Variants in PHLPP1 observed in about 807,000 individuals in gnomAD.
The protein encoded by PHLPP1 is PH domain leucine-rich repeat-containing protein phosphatase 1.
PHLPP1 carries 42 observed loss-of-function variants against 117.2 expected under a neutral mutation model. The ratio of observed to expected loss-of-function variants is 0.36; its 90% CI spans 0.28 to 0.46. PHLPP1 has a LOEUF of 0.46. Among genes scored for constraint, PHLPP1 ranks in the 20% least tolerant of loss-of-function variants. The pLI is 1.00. For synonymous variants in PHLPP1, 1,042 were observed against 970.7 expected, an observed-to-expected ratio of 1.07 and a Z score of -1.37; for missense variants, 2,084 against 2,241.9, an observed-to-expected ratio of 0.93 and a Z score of 1.42.
intron 10 of PHLPP1, among the ~76,000 whole-genome samples, chr18:62,926,877 A>G (rs1185314549): frequency 6.6e-6 from 1 of 152,176 alleles, no homozygotes; most frequent in African/African-American, 2.4e-5. Flanking sequence ...ATAAGCATCA[A>G]TTCCCAGCAA....
intron 10 of PHLPP1, among the ~76,000 whole-genome samples, chr18:62,925,421 G>A (rs1909598472): frequency 6.6e-6 from 1 of 152,198 alleles, no homozygotes. Flanking sequence ...AGTTGGGGAA[G>A]TGTATGTTCA....
intron 4 of PHLPP1, among the ~76,000 whole-genome samples, chr18:62,879,404 ATGTG>A (rs61701836): frequency 1.4e-4 from 20 of 145,894 alleles, no homozygotes; most frequent in South Asian, 4.4e-4. Flanking sequence ...TATTCTGGAT[ATGTG>A]TGTGTGTGTG....
intron 10 of PHLPP1, among the ~76,000 whole-genome samples, chr18:62,936,824 C>G (rs915072476): frequency 6.6e-6 from 1 of 152,122 alleles, no homozygotes; most frequent in Non-Finnish European, 1.5e-5. Context: ...TAATGAAATA[C>G]AACGTGAAGT....
intron 15 of PHLPP1, among the ~76,000 whole-genome samples, chr18:62,974,229 C>A (rs1037441908): frequency 1.3e-5 from 2 of 152,176 alleles, no homozygotes; most frequent in Non-Finnish European, 2.9e-5. Context: ...AGCCAAATAT[C>A]TGAAAGTTGG....
chr18:62,725,178 G>A (rs1339361978), intron 1 of PHLPP1, among the ~76,000 whole-genome samples: 1 of 151,978 alleles, frequency 6.6e-6, no homozygotes, highest in Non-Finnish European at 1.5e-5. Context: ...GGCTAACATG[G>A]TGAAACCCTG....
chr18:62,884,688 G>A (rs1315812682), intron 4 of PHLPP1, among the ~76,000 whole-genome samples: 1 of 152,248 alleles, frequency 6.6e-6, no homozygotes, highest in Non-Finnish European at 1.5e-5. Context: ...AACACGGGCT[G>A]TTACTGTGAA....
intron 1 of PHLPP1, among the ~76,000 whole-genome samples, chr18:62,780,429 G>A (rs1913086129): frequency 6.6e-6 from 1 of 152,174 alleles, no homozygotes; most frequent in Admixed American, 6.5e-5. Flanking sequence ...GAAGTCATTT[G>A]AGAATTTTAT....
chr18:62,814,269 T>A (rs986855534), intron 1 of PHLPP1, among the ~76,000 whole-genome samples: 1 of 152,226 alleles, frequency 6.6e-6, no homozygotes, highest in Admixed American at 6.5e-5. Context: ...CAAATCTATT[T>A]AGCAGCTGGT....
chr18:62,766,923 C>T (rs1379095545), intron 1 of PHLPP1, among the ~76,000 whole-genome samples: 1 of 151,950 alleles, frequency 6.6e-6, no homozygotes, highest in Non-Finnish European at 1.5e-5. Context: ...AAACTGTCTA[C>T]AGATGTATAG....
At position 62,978,529 on chromosome 18, in the gene PHLPP1, G is replaced by A. The variant is rs1911270103; in HGVS notation, c.4252G>A (p.Val1418Met). The change falls in exon 17 of 17, where the codon GTG becomes ATG. Residue 1418 changes from valine (V) to methionine (M), a missense_variant. Physicochemically the swap from Val to Met is conservative, Grantham distance 21. This residue lies in a region of PHLPP1 where 1,365 missense variants were observed against 1,605.9 expected (regional missense o/e 0.85). Transcript: ENST00000262719. This position sits in a 1 kb window ranked among gnomAD's most constrained non-coding sequence, Gnocchi z 7.0. ...SYGCHDSISAVVVQLSVTEDS... is the reference protein window; with the variant it reads ...SYGCHDSISAMVVQLSVTEDS... ...CGGCTGCCACGACAGCATCAGCGCT[G>A]TGGTGGTGCAGCTCAGTGTCACTGA... 1.2e-6 allele frequency: 2 copies of A among 1,611,264 alleles called. No individual in the cohort carries two copies. Among genetic ancestry groups the A allele is most frequent in the Non-Finnish European group, 1.7e-6 (2 of 1,178,838 alleles).
chr18:62,931,612 G>A (rs1599127673), intron 10 of PHLPP1, among the ~76,000 whole-genome samples: 2 of 129,066 alleles, frequency 1.5e-5, no homozygotes, highest in Non-Finnish European at 3.4e-5. Flanking sequence ...AAAAAAAAAA[G>A]GGCCGGGCAC....
rs141892221 is a variant in PHLPP1 at position 62,869,573 on chromosome 18, C to A, written c.2066+8972C>A. 5.9e-5 allele frequency among the ~76,000 whole-genome samples: 9 copies of A among 152,296 alleles called. No individual in the cohort carries two copies. The East Asian group carries it at 1.5e-3, about 26-fold the overall frequency. Reference sequence around the variant, plus strand: ...AGTTTCACTTGTCTTTGTACTTGATCTAAATGGAGCACACAATATGTGTTT... The same window carrying A: ...AGTTTCACTTGTCTTTGTACTTGATATAAATGGAGCACACAATATGTGTTT... On this transcript the variant is annotated intron_variant, in intron 4 of 16. Transcript: ENST00000262719.
chr18:62,894,876 A>T, intron 4 of PHLPP1, 135 bp from the exon 5 acceptor site: 1 of 632,396 alleles, frequency 1.6e-6, no homozygotes, highest in South Asian at 2.2e-5. Context: ...GCTGCTCCTT[A>T]ACCTCTCTGG....
chr18:62,755,990 C>CG (rs1346654270), intron 1 of PHLPP1, among the ~76,000 whole-genome samples: 1 of 149,320 alleles, frequency 6.7e-6, no homozygotes, highest in African/African-American at 2.5e-5. Flanking sequence ...GTTCCCCCCC[C>CG]CCTTCAATTT....
chr18:62,735,526 T>C (rs1162930049), intron 1 of PHLPP1, among the ~76,000 whole-genome samples: 1 of 152,056 alleles, frequency 6.6e-6, no homozygotes, highest in Non-Finnish European at 1.5e-5. Context: ...TTCCTACTTT[T>C]ATAGATATGC....
At chr18:62,810,195 T>C (rs539002520) in intron 1 of PHLPP1, among the ~76,000 whole-genome samples, 1 of 152,316 alleles carries the variant, frequency 6.6e-6, no homozygotes, top group Non-Finnish European at 1.5e-5. Context: ...TGTGTATCTA[T>C]AGTAGTTTGA....
intron 16 of PHLPP1, among the ~76,000 whole-genome samples, chr18:62,977,452 A>C (rs1405096410): frequency 2.3e-5 from 3 of 128,334 alleles, no homozygotes; most frequent in Admixed American, 1.6e-4. Context: ...AAAAAAAAAA[A>C]ACCCAGGTCT....
chr18:62,972,382 C>A, intron 14 of PHLPP1, 132 bp from the exon 15 acceptor site: 3 of 710,110 alleles, frequency 4.2e-6, no homozygotes, highest in Non-Finnish European at 4.5e-6. Flanking sequence ...AGTCAGTTTA[C>A]CTGCCCTTAA....
At chr18:62,819,524 A>G (rs1050139338) in intron 1 of PHLPP1, among the ~76,000 whole-genome samples, 2 of 152,226 alleles carry the variant, frequency 1.3e-5, no homozygotes, top group Non-Finnish European at 2.9e-5. Context: ...CAATTCAAAC[A>G]CATCTATATT....
Sources: allele counts gnomAD v4.1 joint callset (sites outside exome capture counted in the v4.1 genomes callset), GRCh38; gene constraint gnomAD v4.1.1; regional missense constraint gnomAD v4.1.1; non-coding constraint Gnocchi (gnomAD v3.1); transcripts MANE v1.5; gene names NCBI Gene and HGNC (gene_info 2026-07-23, HGNC 2026-07-21).